The following NLRC4 variants were observed in gnomAD, a reference collection of about 807,000 sequenced individuals.
The protein encoded by NLRC4 is NLR family CARD domain-containing protein 4.
A neutral mutation model predicts 79.9 loss-of-function variants in NLRC4; 63 were observed. The observed-to-expected ratio is 0.79, with a 90% CI of 0.64 to 0.97. The LOEUF (loss-of-function observed/expected upper bound fraction) is 0.97. Among genes scored for constraint, NLRC4 ranks in the 50% least tolerant of loss-of-function variants. NLRC4 has a pLI of 0.00. For synonymous variants in NLRC4, 461 were observed against 456.5 expected (o/e 1.01, Z -0.12); for missense variants, 1,074 against 1,215.2 (o/e 0.88, Z 1.73).
At chr2:32,248,373 A>T (rs866733966) in intron 4 of NLRC4, among the ~76,000 whole-genome samples, 2 of 152,200 alleles carry the variant, frequency 1.3e-5, no homozygotes, top group Non-Finnish European at 2.9e-5. Flanking sequence ...CCTCTCTTGT[A>T]TGGTTTGAAC....
intron 8 of NLRC4, among the ~76,000 whole-genome samples, chr2:32,226,633 C>T (rs1686405308): frequency 6.6e-6 from 1 of 152,214 alleles, no homozygotes. Flanking sequence ...ATAATCCCAG[C>T]ACTTTGGGAG....
At chr2:32,225,202 T>G (rs1686351470) in intron 8 of NLRC4, among the ~76,000 whole-genome samples, 1 of 152,202 alleles carries the variant, frequency 6.6e-6, no homozygotes, top group Admixed American at 6.5e-5. Context: ...TTCCTAACTG[T>G]AAACTTGAGT....
chr2:32,242,467 G>A (rs1457625767), intron 4 of NLRC4, among the ~76,000 whole-genome samples: 1 of 152,192 alleles, frequency 6.6e-6, no homozygotes, highest in Non-Finnish European at 1.5e-5. Context: ...GTGATACGGA[G>A]TAGGTAACCG....
chr2:32,252,747 G>A (rs1687110100), intron 2 of NLRC4, 68 bp from the exon 3 acceptor site: 1 of 1,391,556 alleles, frequency 7.2e-7, no homozygotes, highest in Admixed American at 1.8e-5. Flanking sequence ...GGCTGGGCAC[G>A]GTGGCTCACG....
chr2:32,252,800 C>T (rs543641302), intron 2 of NLRC4, 121 bp from the exon 3 acceptor site: 112 of 732,686 alleles, frequency 1.5e-4, no homozygotes, highest in African/African-American at 9.8e-4. Flanking sequence ...GGGCAGATCA[C>T]GAGGTCAGGA....
At chr2:32,246,221 A>C (rs187611696) in intron 4 of NLRC4, among the ~76,000 whole-genome samples, 4 of 152,274 alleles carry the variant, frequency 2.6e-5, no homozygotes, top group African/African-American at 9.6e-5. Context: ...TACTTTTTTT[A>C]AATGGCAAAC....
At position 32,251,074 on chromosome 2, in the gene NLRC4, G is replaced by A; in HGVS notation, c.790C>T (p.Leu264=). The change falls in exon 4 of 9, where the codon CTG becomes TTG. Residue 264 remains leucine (L), a synonymous_variant. Coordinates refer to ENST00000402280, the MANE Select transcript of NLRC4 (RefSeq NM_001199138.2). The stretch of plus-strand genomic sequence containing the variant: ...TTGAAGCGGTGGTTTTCCTTTATCA[G>A]GGCTTCGATTTCTGGGCAGTTCTGG... ...KPQNCPEIEA[L]IKENHRFKNM... 6.2e-7 allele frequency: 1 copy of A among 1,614,140 alleles called. No individual in the cohort carries two copies. The highest frequency in any genetic ancestry group is 8.5e-7 in the Non-Finnish European group (1 of 1,180,022).
chr2:32,236,351 A>T lies in NLRC4; in HGVS notation c.2522-12T>A. 6.6e-7 allele frequency: 1 copy of T among 1,513,896 alleles called. No individual in the cohort carries two copies. Among genetic ancestry groups the T allele is most frequent in the Non-Finnish European group, 9.1e-7 (1 of 1,104,130 alleles). The allele number at this position is 1,513,896 out of a possible 1,614,324, so 93.8% of individuals were successfully genotyped here. On this transcript the variant is annotated splice_polypyrimidine_tract_variant and intron_variant, in intron 6 of 8. Coordinates refer to ENST00000402280, the MANE Select transcript of NLRC4 (RefSeq NM_001199138.2). ...GTGAAGATTCTGAGCTGGGGAAAAA[A>T]AGTAATCCAAAATAAAAAGATTTTC...
intron 4 of NLRC4, among the ~76,000 whole-genome samples, chr2:32,246,520 T>A (rs910603563): frequency 6.6e-6 from 1 of 152,206 alleles, no homozygotes; most frequent in African/African-American, 2.4e-5. Flanking sequence ...TGCTAGCGTT[T>A]GAAAACTAAC....
chr2:32,233,320 A>AATATATATATATATAT (rs1257781417), intron 8 of NLRC4, among the ~76,000 whole-genome samples: 14 of 67,214 alleles, frequency 2.1e-4, no homozygotes, highest in African/African-American at 2.7e-4. Context: ...AGAAATTTTA[A>AATATATATATATATAT]ATATATATAT....
At chr2:32,228,346 A>C (rs919273325) in intron 8 of NLRC4, among the ~76,000 whole-genome samples, 1 of 152,178 alleles carries the variant, frequency 6.6e-6, no homozygotes, top group African/African-American at 2.4e-5. Flanking sequence ...AAGGCCCTAC[A>C]AAGAAGGGGC....
chr2:32,249,738 C>T lies in NLRC4; in HGVS notation c.2126G>A (p.Ser709Asn). The change falls in exon 4 of 9, where the codon AGC becomes AAC. Residue 709 changes from serine (S) to asparagine (N), a missense_variant. By Grantham distance (46) the Ser-to-Asn change is conservative (BLOSUM62 1). Transcript: ENST00000402280. Reference sequence around the variant, plus strand: ...GAGAGAATAAATGTTCTTACAGGTGCTGAGGACCAAACTGAGGCTTCCAGC... The same window carrying T: ...GAGAGAATAAATGTTCTTACAGGTGTTGAGGACCAAACTGAGGCTTCCAGC... The part of the protein sequence containing the change: ...GVAGSLSLVL[S>N]TCKNIYSLMV... 1 of 1,614,216 alleles carries T rather than the reference C, an allele frequency of 6.2e-7. No individual in the cohort carries two copies. The highest frequency in any genetic ancestry group is 8.5e-7 in the Non-Finnish European group (1 of 1,180,038).
chr2:32,225,930 C>G (rs1422086145), intron 8 of NLRC4, among the ~76,000 whole-genome samples: 3 of 152,032 alleles, frequency 2.0e-5, no homozygotes, highest in African/African-American at 7.2e-5. Flanking sequence ...AGATAATGTT[C>G]CAGAAACTGA....
chr2:32,246,295 A>T (rs1360045774), intron 4 of NLRC4, among the ~76,000 whole-genome samples: 1 of 152,232 alleles, frequency 6.6e-6, no homozygotes, highest in Non-Finnish European at 1.5e-5. Flanking sequence ...ACTTTACAGG[A>T]TCAGTATAAA....
intron 8 of NLRC4, among the ~76,000 whole-genome samples, chr2:32,229,583 A>G (rs1300609964): frequency 6.6e-6 from 1 of 152,206 alleles, no homozygotes; most frequent in Non-Finnish European, 1.5e-5. Context: ...GTCAAGCAAA[A>G]CATGGCAAAG....
chr2:32,252,198 A>G (rs1016705384), intron 3 of NLRC4, among the ~76,000 whole-genome samples: 8 of 152,282 alleles, frequency 5.3e-5, no homozygotes, highest in African/African-American at 1.4e-4. Flanking sequence ...ATACTCAATC[A>G]TTTATTTCCT....
intron 5 of NLRC4, 64 bp from the exon 6 acceptor site, chr2:32,238,366 T>C (rs966942204): frequency 7.3e-6 from 10 of 1,363,980 alleles, no homozygotes; most frequent in Non-Finnish European, 9.2e-6. Flanking sequence ...CATAGATTAA[T>C]GAACTGAAAA....
intron 8 of NLRC4, among the ~76,000 whole-genome samples, chr2:32,230,639 T>C (rs1465433545): frequency 1.3e-5 from 2 of 152,132 alleles, no homozygotes; most frequent in African/African-American, 4.8e-5. Flanking sequence ...ACACAGCTAA[T>C]TTTTTTCATA....
chr2:32,241,543 A>C (rs1686802591), intron 4 of NLRC4, among the ~76,000 whole-genome samples: 1 of 151,258 alleles, frequency 6.6e-6, no homozygotes. Context: ...CGCCCGGCTA[A>C]TTTTTTTTGT....
Sources: gnomAD v4.1 joint callset for allele counts (sites outside exome capture counted in the v4.1 genomes callset) on GRCh38, gnomAD v4.1.1 for gene constraint, MANE v1.5 for transcripts, NCBI Gene and HGNC (gene_info 2026-07-23, HGNC 2026-07-21) for gene names.